The following CMIP variants were observed in gnomAD, a reference collection of about 807,000 sequenced individuals.
The protein encoded by CMIP is C-Maf-inducing protein.
A neutral mutation model predicts 97.3 loss-of-function variants in CMIP; 13 were observed. That is an observed-to-expected ratio of 0.13 (90% CI 0.09 to 0.21). The LOEUF (loss-of-function observed/expected upper bound fraction) is 0.21. CMIP is among the 10% of genes least tolerant of loss of function. CMIP has a pLI of 1.00. For synonymous variants in CMIP, 538 were observed against 436.3 expected (o/e 1.23, Z -2.91); for missense variants, 847 against 1,024.9 (o/e 0.83, Z 2.37).
chr16:81,565,068 C>A (rs2966118), intron 1 of CMIP, among the ~76,000 whole-genome samples: 62,057 of 151,632 alleles, frequency 0.41, 14,930 homozygotes, highest in Non-Finnish European at 0.53. Context: ...ACCCTTCAAG[C>A]GGGGCCTTAA....
chr16:81,495,810 C>T (rs1228656588), intron 1 of CMIP, among the ~76,000 whole-genome samples: 4 of 152,168 alleles, frequency 2.6e-5, no homozygotes, highest in Non-Finnish European at 5.9e-5. Context: ...CTGCTGGCCT[C>T]CCTTAGTGAC....
In CMIP at chr16:81,580,273, C is replaced by T. The variant is rs139459622; in HGVS notation, c.301-27294C>T. On this transcript the variant is annotated intron_variant, in intron 1 of 20. Transcript: ENST00000537098. The stretch of plus-strand genomic sequence containing the variant: ...GACAAGAATCAGAGAAGCGAGGTGC[C>T]CTATGTCTCCCGGCTCTGGAGCCTG... Among the ~76,000 whole-genome samples, 7 of 152,284 alleles carry T rather than the reference C, an allele frequency of 4.6e-5. No individual in the cohort carries two copies. The East Asian group carries it at 1.4e-3, about 29-fold the overall frequency.
intron 1 of CMIP, among the ~76,000 whole-genome samples, chr16:81,509,490 C>T (rs1057021208): frequency 2.0e-5 from 3 of 152,192 alleles, no homozygotes; most frequent in Admixed American, 6.5e-5. Flanking sequence ...CCTCTCTGAG[C>T]TTCTGGTTTT....
intron 2 of CMIP, among the ~76,000 whole-genome samples, chr16:81,608,843 T>A (rs1393257191): frequency 6.6e-6 from 1 of 152,260 alleles, no homozygotes; most frequent in East Asian, 1.9e-4. Flanking sequence ...GCCTTGCTTT[T>A]TCTTTTGGGA....
At chr16:81,634,258 C>T (rs2092205301) in intron 3 of CMIP, among the ~76,000 whole-genome samples, 1 of 152,214 alleles carries the variant, frequency 6.6e-6, no homozygotes, top group African/African-American at 2.4e-5. Context: ...TGTTTTCCAT[C>T]TACTTTATTT....
intron 1 of CMIP, among the ~76,000 whole-genome samples, chr16:81,606,584 A>G (rs1483648606): frequency 6.6e-6 from 1 of 152,106 alleles, no homozygotes; most frequent in African/African-American, 2.4e-5. Context: ...ACCAATACTA[A>G]TAGCGTTTCT....
intron 1 of CMIP, among the ~76,000 whole-genome samples, chr16:81,566,063 C>G (rs1487569945): frequency 6.6e-6 from 1 of 152,140 alleles, no homozygotes; most frequent in Non-Finnish European, 1.5e-5. Flanking sequence ...CAGCGGGGGA[C>G]CTGGGAGACG....
chr16:81,629,891 G>A (rs748820995), intron 3 of CMIP, among the ~76,000 whole-genome samples: 1 of 152,236 alleles, frequency 6.6e-6, no homozygotes, highest in Non-Finnish European at 1.5e-5. Flanking sequence ...CATGACCGTC[G>A]TGTATCTCAG....
intron 1 of CMIP, among the ~76,000 whole-genome samples, chr16:81,510,294 C>T (rs139154939): frequency 7.6e-4 from 115 of 152,224 alleles, no homozygotes; most frequent in African/African-American, 1.8e-3. Context: ...GGGTGTGAGT[C>T]GCCCAAGTGG....
At chr16:81,471,192 A>T (rs1907514100) in intron 1 of CMIP, among the ~76,000 whole-genome samples, 1 of 152,242 alleles carries the variant, frequency 6.6e-6, no homozygotes, top group African/African-American at 2.4e-5. Flanking sequence ...ATGCATATAA[A>T]TATACTCACA....
At chr16:81,537,070 G>C (rs1475506138) in intron 1 of CMIP, among the ~76,000 whole-genome samples, 2 of 152,148 alleles carry the variant, frequency 1.3e-5, no homozygotes, top group African/African-American at 4.8e-5. Context: ...ACATATTAGT[G>C]TGACTTTAAG....
chr16:81,541,537 C>T (rs900789646), intron 1 of CMIP, among the ~76,000 whole-genome samples: 6 of 152,152 alleles, frequency 3.9e-5, no homozygotes, highest in African/African-American at 1.2e-4. Context: ...TTTACCAAAC[C>T]TGGTTACGCT....
chr16:81,523,481 T>C (rs757049420), intron 1 of CMIP, among the ~76,000 whole-genome samples: 1 of 152,090 alleles, frequency 6.6e-6, no homozygotes, highest in Non-Finnish European at 1.5e-5. Flanking sequence ...CCCAGCACAT[T>C]TTGGTTGGAC....
chr16:81,561,955 T>C (rs2090891776), intron 1 of CMIP, among the ~76,000 whole-genome samples: 1 of 152,114 alleles, frequency 6.6e-6, no homozygotes, highest in African/African-American at 2.4e-5. Context: ...GGGGCTGTTG[T>C]AGTAATCCAG....
At chr16:81,612,802 G>A (rs141523154) in intron 2 of CMIP, among the ~76,000 whole-genome samples, 3 of 152,046 alleles carry the variant, frequency 2.0e-5, no homozygotes, top group African/African-American at 4.8e-5. Context: ...TCCCATGTCT[G>A]AATGGATTCT....
At chr16:81,702,539 A>G (rs970911197) in intron 16 of CMIP, 83 bp from the exon 17 acceptor site, 2 of 1,341,618 alleles carry the variant, frequency 1.5e-6, no homozygotes, top group South Asian at 1.2e-5. Flanking sequence ...CGATGGCTCC[A>G]TGAGTGTTGT....
At chr16:81,622,880 G>A (rs925827161) in intron 3 of CMIP, among the ~76,000 whole-genome samples, 1 of 152,212 alleles carries the variant, frequency 6.6e-6, no homozygotes, top group Non-Finnish European at 1.5e-5. Flanking sequence ...CTAGAAAGAT[G>A]ATTTAAAAGC....
chr16:81,572,847 C>T (rs1478652013), intron 1 of CMIP, among the ~76,000 whole-genome samples: 1 of 152,162 alleles, frequency 6.6e-6, no homozygotes, highest in Non-Finnish European at 1.5e-5. Context: ...CCTGGGACTT[C>T]CCCAGCATTA....
At chr16:81,457,528 T>TC (rs1373585368) in intron 1 of CMIP, among the ~76,000 whole-genome samples, 9 of 152,200 alleles carry the variant, frequency 5.9e-5, no homozygotes. Flanking sequence ...GGCCTCCACC[T>TC]GCCAGGTGCT....
Sources: gnomAD v4.1 joint callset for allele counts (sites outside exome capture counted in the v4.1 genomes callset) on GRCh38, gnomAD v4.1.1 for gene constraint, MANE v1.5 for transcripts, NCBI Gene and HGNC (gene_info 2026-07-23, HGNC 2026-07-21) for gene names.